Variants in SLC27A5 observed in about 807,000 individuals in gnomAD.
The protein encoded by SLC27A5 is long-chain fatty acid transport protein 5.
In SLC27A5, 47 loss-of-function variants were observed where a neutral mutation model predicts 63.1. The observed-to-expected ratio is 0.74, with a 90% CI of 0.59 to 0.95. The LOEUF is 0.95. Among genes scored for constraint, SLC27A5 ranks in the 40% least tolerant of loss-of-function variants. The pLI, the probability that SLC27A5 is intolerant of heterozygous loss-of-function variation, is 0.00. For missense variants in SLC27A5, 940 were observed against 921.0 expected (o/e 1.02, Z -0.27); for synonymous variants, 391 against 403.8 (o/e 0.97, Z 0.38).
chr19:58,500,378 C>G lies in SLC27A5; in HGVS notation c.1429G>C (p.Val477Leu), dbSNP rs553819156. Residue 477 changes from valine to leucine, a missense_variant, in exon 6 of 10, where the codon GTG (valine) becomes CTG (leucine). Physicochemically the swap from Val to Leu is conservative, Grantham distance 32. Coordinates refer to ENST00000263093, the MANE Select transcript of SLC27A5 (RefSeq NM_012254.3). Reference protein sequence around the residue: ...VQFDMEAAEPVRDNQGFCIPV... With the variant: ...VQFDMEAAEPLRDNQGFCIPV... The stretch of plus-strand genomic sequence containing the variant: ...ATGCAGAAGCCCTGATTGTCCCTCA[C>G]AGGCTCCGCCGCCTCCATGTCGAAC... The G allele has an allele frequency of 1.2e-6, 2 of 1,613,714 alleles. No homozygotes were observed. The highest frequency in any genetic ancestry group is 3.3e-5 in the Admixed American group (2 of 59,994).
intron 2 of SLC27A5, 36 bp from the exon 3 acceptor site, chr19:58,510,041 C>A: frequency 6.3e-7 from 1 of 1,599,682 alleles, no homozygotes. Context: ...AGGGTGGTGA[C>A]ATGACAGCAC....
At position 58,511,372 on chromosome 19, in the gene SLC27A5, G is replaced by T; in HGVS notation, c.584C>A (p.Ala195Asp). The T allele has an allele frequency of 6.2e-7, 1 of 1,603,240 alleles. No individual in the cohort carries two copies. Reference sequence around the variant, plus strand: ...CCAGGCTGTTGGGCAGCCCAGCTTGGCCAGCCCCAGCCACATACACAGGGC... The same window carrying T: ...CCAGGCTGTTGGGCAGCCCAGCTTGTCCAGCCCCAGCCACATACACAGGGC... Reference protein sequence around the residue: ...VPALCMWLGLAKLGCPTAWIN... With the variant: ...VPALCMWLGLDKLGCPTAWIN... The change falls in exon 1 of 10, where the codon GCC (alanine) becomes GAC (aspartate). Residue 195 changes from alanine to aspartate, a missense_variant. Physicochemically the swap from Ala to Asp is moderately radical, Grantham distance 126. Transcript: ENST00000263093.
rs2053410906 is a variant in SLC27A5, at chr19:58,511,501, G to A, written c.455C>T (p.Ala152Val). The change falls in exon 1 of 10, where the codon GCC (alanine) becomes GTC (valine). Residue 152 changes from alanine (A) to valine (V), a missense_variant. By Grantham distance (64) the Ala-to-Val change is moderately conservative (BLOSUM62 0). Transcript: ENST00000263093. ...SVTFGELDAR[A>V]CQAAWALKAE... ...CTTCAGGGCCCATGCCGCCTGGCAG[G>A]CCCGGGCATCCAGCTCACCAAAGGT... is the stretch of plus-strand genomic sequence containing the variant. 6.4e-7 allele frequency: 1 copy of A among 1,572,714 alleles called. No individual in the cohort carries two copies.
intron 1 of SLC27A5, 69 bp from the exon 2 acceptor site, chr19:58,510,999 A>G: frequency 7.7e-7 from 1 of 1,296,986 alleles, no homozygotes; most frequent in South Asian, 1.5e-5. Flanking sequence ...GGGATCTGAG[A>G]CCCACAGATG....
intron 6 of SLC27A5, among the ~76,000 whole-genome samples, chr19:58,499,921 G>A (rs2053254586): frequency 6.6e-6 from 1 of 152,158 alleles, no homozygotes; most frequent in African/African-American, 2.4e-5. Context: ...GGGAGCCCAT[G>A]AGAAACAGGA....
Position 58,499,529 on chromosome 19 carries a change from AGCCTTCGCGGTCCAT to A in SLC27A5, c.1615_1629del (p.Met539_Gly543del). The A allele has an allele frequency of 6.2e-7, 1 of 1,613,038 alleles. No homozygotes were observed. On this transcript the variant is annotated inframe_deletion, in exon 7 of 10. Coordinates refer to ENST00000263093, the MANE Select transcript of SLC27A5 (RefSeq NM_012254.3). The stretch of plus-strand genomic sequence containing the variant: ...CCGAGGCGGTCGCGGAAGTAGAGGA[AGCCTTCGCGGTCCAT>A]GGCCAGTACGTCCCCGGTGTTGTAG...
chr19:58,507,249 C>T (rs747682069), intron 3 of SLC27A5: 6 of 151,920 alleles, frequency 3.9e-5, no homozygotes, highest in African/African-American at 7.3e-5. Context: ...AACAGCTACT[C>T]GGGATGCTGA....
chr19:58,511,875 G>C lies in SLC27A5; in HGVS notation c.81C>G (p.Val27=), dbSNP rs371777903. ...GCCAGCGCAGGGTCAAGGCCACAGC[G>C]ACTGGCCACACTGGCTGCCCCAGGC... ...LWGLGQPVWP[V]AVALTLRWLL... is the part of the protein sequence containing the mutation. The change falls in exon 1 of 10, where the codon GTC becomes GTG. Residue 27 remains valine (V), a synonymous_variant. Coordinates refer to ENST00000263093, the MANE Select transcript of SLC27A5 (RefSeq NM_012254.3). The C allele has an allele frequency of 6.4e-7, 1 of 1,552,888 alleles. No individual in the cohort carries two copies. Among genetic ancestry groups the C allele is most frequent in the African/African-American group, 1.4e-5 (1 of 73,250 alleles).
Position 58,511,856 on chromosome 19 carries a change from G to A in SLC27A5, c.100C>T (p.Arg34Cys), listed in dbSNP as rs747784689. 25 of 1,558,016 alleles carry A rather than the reference G, an allele frequency of 1.6e-5. No individual in the cohort carries two copies. In the Admixed American group the frequency reaches 2.5e-4, roughly 16 times the overall value. ...CATGTGGGATCCCCCAGGAGCCAGC[G>A]CAGGGTCAAGGCCACAGCGACTGGC... ...VWPVAVALTL[R>C]WLLGDPTCCV... Residue 34 changes from arginine to cysteine, a missense_variant, in exon 1 of 10, where the codon CGC becomes TGC. Transcript: ENST00000263093.
In SLC27A5 at chr19:58,499,626, G is replaced by C. The variant is rs1220871412; in HGVS notation, c.1533C>G (p.Pro511=). 6.2e-7 allele frequency: 1 copy of C among 1,612,872 alleles called. No homozygotes were observed. The highest frequency in any genetic ancestry group is 1.1e-5 in the South Asian group (1 of 91,082). ...SQQPFVGYRG[P]RELSERKLVR... ...CCAGCTTCCGTTCCGACAGCTCTCG[G>C]GGGCCGCGGTAGCCCACGAAGGGTT... The change falls in exon 7 of 10, where the codon CCC becomes CCG. Residue 511 remains proline (P), a synonymous_variant. Transcript: ENST00000263093.
rs572835728 is a variant in SLC27A5, at chr19:58,504,368, G to C, written c.1058-2958C>G. Among the ~76,000 whole-genome samples the C allele has an allele frequency of 1.6e-4, 25 of 152,276 alleles. No homozygotes were observed. In the South Asian group the frequency reaches 4.8e-3, roughly 29 times the overall value. ...TATTCTGGAAAAAAATAGGGAAGTG[G>C]CTGGGCACGGTGGCTCACGCCTGTA... On this transcript the variant is annotated intron_variant, in intron 3 of 9. Transcript: ENST00000263093.
At chr19:58,499,445 G>A (rs986218703) in intron 7 of SLC27A5, 47 bp downstream of exon 7, 2 of 1,594,752 alleles carry the variant, frequency 1.3e-6, no homozygotes, top group Non-Finnish European at 1.7e-6. Flanking sequence ...ATCTGAAAGC[G>A]TCCGTGGCCC....
intron 3 of SLC27A5, chr19:58,509,287 G>C (rs1438147317): frequency 6.6e-6 from 1 of 151,492 alleles, no homozygotes; most frequent in East Asian, 1.9e-4. Context: ...TCAGGAGGAT[G>C]AGGCAGGAGA....
chr19:58,510,950 G>A lies in SLC27A5; in HGVS notation c.689-20C>T. ...GGAGGTCTGCAGAGATGGGTCAGAG[G>A]AGAAACAGAGGCAAGGCTCACCTTT... On this transcript the variant is annotated intron_variant, in intron 1 of 9. Coordinates refer to ENST00000263093, the MANE Select transcript of SLC27A5 (RefSeq NM_012254.3). 1 of 1,553,540 alleles carries A rather than the reference G, an allele frequency of 6.4e-7. No homozygotes were observed. Among genetic ancestry groups the A allele is most frequent in the Non-Finnish European group, 8.7e-7 (1 of 1,145,616 alleles).
chr19:58,501,738 A>G (rs1268030556), intron 3 of SLC27A5, among the ~76,000 whole-genome samples: 3 of 152,184 alleles, frequency 2.0e-5, no homozygotes, highest in Admixed American at 6.5e-5. Context: ...CAGTGGTGCA[A>G]TCTCCGCTCA....
intron 3 of SLC27A5, chr19:58,509,309 C>G (rs1410196681): frequency 6.6e-6 from 1 of 151,384 alleles, no homozygotes; most frequent in Admixed American, 6.6e-5. Context: ...TTGCTTGAAC[C>G]CAGGAGGCAG....
chr19:58,499,188 A>G lies in SLC27A5; in HGVS notation c.1700T>C (p.Val567Ala), dbSNP rs1442589090. ...WKGENVSTHEVEGVLSQVDFL... is the reference protein window; with the variant it reads ...WKGENVSTHEAEGVLSQVDFL... ...GTCCACCTGCGACAACACGCCCTCC[A>G]CCTCGTGCGTGGACACGTTCTCGCC... The change falls in exon 8 of 10, where the codon GTG becomes GCG. Residue 567 changes from valine (V) to alanine (A), a missense_variant. Physicochemically the swap from Val to Ala is moderately conservative, Grantham distance 64. Transcript: ENST00000263093. 2.5e-6 allele frequency: 4 copies of G among 1,613,662 alleles called. No individual in the cohort carries two copies. The highest frequency in any genetic ancestry group is 1.7e-5 in the Admixed American group (1 of 60,000).
At chr19:58,499,070 C>T in intron 8 of SLC27A5, 53 bp downstream of exon 8, 2 of 1,607,612 alleles carry the variant, frequency 1.2e-6, no homozygotes, top group Non-Finnish European at 1.7e-6. Context: ...ATCAGAATAA[C>T]GACCCCTCCA....
At chr19:58,507,089 T>C (rs1377985787) in intron 3 of SLC27A5, among the ~76,000 whole-genome samples, 4 of 149,200 alleles carry the variant, frequency 2.7e-5, no homozygotes, top group African/African-American at 9.8e-5. Flanking sequence ...CCGGGCGCGG[T>C]GGCTCATGCC....
Sources: gnomAD v4.1 joint callset for allele counts (sites outside exome capture counted in the v4.1 genomes callset) on GRCh38, gnomAD v4.1.1 for gene constraint, MANE v1.5 for transcripts, NCBI Gene and HGNC (gene_info 2026-07-23, HGNC 2026-07-21) for gene names.